Variants in MCCC2 observed in about 807,000 individuals in gnomAD.
MCCC2 encodes the protein methylcrotonyl-CoA carboxylase subunit 2, also known as methylcrotonoyl-CoA carboxylase beta chain, mitochondrial.
MCCC2 carries 52 observed loss-of-function variants against 77.2 expected under a neutral mutation model. The observed-to-expected ratio is 0.67, with a 90% CI of 0.54 to 0.85. The LOEUF is 0.85. MCCC2 is among the 40% of genes least tolerant of loss of function. The pLI is 0.00. For missense variants in MCCC2, 682 were observed against 703.2 expected, an observed-to-expected ratio of 0.97 and a Z score of 0.34; for synonymous variants, 253 against 248.4, an observed-to-expected ratio of 1.02 and a Z score of -0.18.
chr5:71,606,508 A>C lies in MCCC2; in HGVS notation c.624+2040A>C, dbSNP rs1745682910. Among the ~76,000 whole-genome samples, 9 of 142,412 alleles carry C rather than the reference A, an allele frequency of 6.3e-5. No individual in the cohort carries two copies. The South Asian group carries it at 2.1e-3, about 33-fold the overall frequency. The allele number at this position is 142,412 out of a possible 152,430, so 93.4% of individuals were successfully genotyped here. A position where few individuals can be genotyped will look rare whatever the true frequency, so the allele number is the denominator to read the frequency against. ...AATGGGGTTTTCTAGATATACAATC[A>C]TGTCGTCTGCAAACAGGGACAATTT... is the stretch of plus-strand genomic sequence containing the variant. On this transcript the variant is annotated intron_variant, in intron 6 of 16. Transcript: ENST00000340941.
At chr5:71,637,167 T>A (rs569286943) in intron 10 of MCCC2, among the ~76,000 whole-genome samples, 1 of 152,344 alleles carries the variant, frequency 6.6e-6, no homozygotes, top group East Asian at 1.9e-4. Context: ...CCTAAGAAAT[T>A]TTCAAATATG....
Position 71,587,467 on chromosome 5 carries a change from C to T in MCCC2, c.42C>T (p.Arg14=), listed in dbSNP as rs1018412147. The T allele has an allele frequency of 6.5e-7, 1 of 1,535,902 alleles. No individual in the cohort carries two copies. The highest frequency in any genetic ancestry group is 8.7e-7 in the Non-Finnish European group (1 of 1,146,106). Residue 14 remains arginine, a synonymous_variant, in exon 1 of 17, where the codon CGC becomes CGT. Transcript: ENST00000340941. ...VLRLALRPCA[R]ASPAGPRAYH... ...GGTTAGCCCTGCGGCCGTGTGCCCG[C>T]GCCTCTCCCGCCGGGCCGCGCGCCT...
At chr5:71,625,055 C>T (rs551260113) in intron 6 of MCCC2, among the ~76,000 whole-genome samples, 2 of 152,252 alleles carry the variant, frequency 1.3e-5, no homozygotes, top group East Asian at 3.9e-4. Flanking sequence ...ACCTGCCTCC[C>T]TCATCTTGGT....
intron 6 of MCCC2, among the ~76,000 whole-genome samples, chr5:71,609,590 G>T (rs879939910): frequency 1.3e-5 from 2 of 150,222 alleles, no homozygotes; most frequent in African/African-American, 4.9e-5. Flanking sequence ...TCCCCATCCA[G>T]CTTTGTTCCG....
Position 71,652,659 on chromosome 5 carries a change from T to C in MCCC2, c.1489-10T>C. 2.5e-6 allele frequency: 4 copies of C among 1,613,828 alleles called. No homozygotes were observed. Among genetic ancestry groups the C allele is most frequent in the Non-Finnish European group, 3.4e-6 (4 of 1,179,722 alleles). On this transcript the variant is annotated splice_polypyrimidine_tract_variant and intron_variant, in intron 15 of 16. Coordinates refer to ENST00000340941, the MANE Select transcript of MCCC2 (RefSeq NM_022132.5). ...TGAAGCTGACTTACTCATGGCCTCT[T>C]TTCCTTTAGTTCTCCAGTGCTGATG...
At chr5:71,632,294 A>G (rs1003265251) in intron 8 of MCCC2, 109 bp downstream of exon 8, 16 of 988,380 alleles carry the variant, frequency 1.6e-5, no homozygotes, top group Non-Finnish European at 2.6e-5. Flanking sequence ...AGACCACACC[A>G]CAGTTTATTT....
At chr5:71,588,117 A>G (rs1456584042) in intron 1 of MCCC2, among the ~76,000 whole-genome samples, 1 of 152,048 alleles carries the variant, frequency 6.6e-6, no homozygotes, top group Non-Finnish European at 1.5e-5. Context: ...AAGAATACAA[A>G]AATTAGCCGG....
intron 3 of MCCC2, 134 bp downstream of exon 3, chr5:71,596,498 A>C (rs1004155369): frequency 3.0e-5 from 25 of 822,396 alleles, no homozygotes; most frequent in Admixed American, 2.4e-4. Context: ...TTGAGAGCCT[A>C]CTATGTGTCA....
At chr5:71,647,395 C>T (rs1338069929) in intron 13 of MCCC2, among the ~76,000 whole-genome samples, 1 of 152,146 alleles carries the variant, frequency 6.6e-6, no homozygotes, top group African/African-American at 2.4e-5. Context: ...CTAAGAGGGT[C>T]CTGCATGGTA....
intron 10 of MCCC2, chr5:71,636,409 A>G (rs187510060): frequency 6.1e-6 from 1 of 164,056 alleles, no homozygotes; most frequent in East Asian, 1.8e-4. Context: ...ACTCTGACAT[A>G]CTTGAAAAAT....
intron 12 of MCCC2, among the ~76,000 whole-genome samples, chr5:71,645,002 G>T (rs182883589): frequency 1.6e-4 from 24 of 152,080 alleles, no homozygotes; most frequent in Admixed American, 5.9e-4. Flanking sequence ...TATATATAGA[G>T]AGGTTTTGCA....
chr5:71,613,303 T>C (rs1043065690), intron 6 of MCCC2, among the ~76,000 whole-genome samples: 7 of 152,264 alleles, frequency 4.6e-5, no homozygotes, highest in African/African-American at 1.4e-4. Context: ...CTTTGCTGTG[T>C]CTTTCTGCTG....
At chr5:71,655,394 G>GCC (rs1351794826) in intron 16 of MCCC2, among the ~76,000 whole-genome samples, 1 of 152,184 alleles carries the variant, frequency 6.6e-6, no homozygotes, top group East Asian at 1.9e-4. Context: ...TATGTAGCGT[G>GCC]CCAATTTGCT....
At chr5:71,617,803 G>A (rs902039764) in intron 6 of MCCC2, among the ~76,000 whole-genome samples, 3 of 152,110 alleles carry the variant, frequency 2.0e-5, no homozygotes, top group Admixed American at 2.0e-4. Context: ...CATTTACCTA[G>A]TTATTTCAAA....
At chr5:71,594,452 T>C (rs1198757507) in intron 2 of MCCC2, among the ~76,000 whole-genome samples, 2 of 147,672 alleles carry the variant, frequency 1.4e-5, no homozygotes, top group Non-Finnish European at 3.0e-5. Flanking sequence ...TGTTTGAACC[T>C]GGGAGGCGGA....
chr5:71,633,106 TATATATATATA>T lies in MCCC2; in HGVS notation c.803+922_803+932del, dbSNP rs1211315397. Among the ~76,000 whole-genome samples, 8 of 21,818 alleles carry T rather than the reference TATATATATATA, an allele frequency of 3.7e-4. No homozygotes were observed. The East Asian group carries it at 6.5e-3, about 18-fold the overall frequency. The allele number at this position is 21,818 out of a possible 152,430, so 14.3% of individuals were successfully genotyped here. On this transcript the variant is annotated intron_variant, in intron 8 of 16. Transcript: ENST00000340941. ...TTTTTCAGTTTTATATATATATATA[TATATATATATA>T]TATATATATATATATTTTTATTTTT...
intron 6 of MCCC2, among the ~76,000 whole-genome samples, chr5:71,606,840 G>A (rs1201542885): frequency 0.025 from 3,651 of 144,928 alleles, 150 homozygotes; most frequent in African/African-American, 0.088. Flanking sequence ...TAATCATGTG[G>A]TTTTTGTCTT....
intron 10 of MCCC2, chr5:71,636,701 A>G (rs1184964789): frequency 2.0e-5 from 3 of 152,000 alleles, no homozygotes; most frequent in Non-Finnish European, 4.4e-5. Context: ...CTCTGTCTCA[A>G]ATAAATAAAT....
chr5:71,640,450 C>T (rs774687253), intron 10 of MCCC2, among the ~76,000 whole-genome samples: 6 of 144,040 alleles, frequency 4.2e-5, no homozygotes, highest in Admixed American at 7.2e-5. Flanking sequence ...GTTTCTCAGT[C>T]GGAGAGCTGG....
Sources: gnomAD v4.1 joint callset for allele counts (sites outside exome capture counted in the v4.1 genomes callset) on GRCh38, gnomAD v4.1.1 for gene constraint, MANE v1.5 for transcripts, NCBI Gene and HGNC (gene_info 2026-07-23, HGNC 2026-07-21) for gene names.